The following STARD9 variants were observed in gnomAD, a reference collection of about 807,000 sequenced individuals.
The protein encoded by STARD9 is StAR related lipid transfer domain containing 9.
STARD9 carries 346 observed loss-of-function variants against 399.8 expected under a neutral mutation model. The ratio of observed to expected loss-of-function variants is 0.87; its 90% CI spans 0.79 to 0.95. STARD9 has a LOEUF of 0.95. STARD9 is among the 40% of genes least tolerant of loss of function. The pLI is 0.00. For missense variants in STARD9, 5,832 were observed against 5,667.5 expected (o/e 1.03, Z -0.93); for synonymous variants, 2,203 against 2,143.5 (o/e 1.03, Z -0.77).
At chr15:42,647,218 A>G (rs1026230483) in intron 7 of STARD9, among the ~76,000 whole-genome samples, 7 of 152,168 alleles carry the variant, frequency 4.6e-5, no homozygotes, top group Admixed American at 2.0e-4. Context: ...GTATTATACA[A>G]TTGTTGGGCA....
chr15:42,719,305 G>A (rs776350968), intron 32 of STARD9, among the ~76,000 whole-genome samples, 168 bp from the exon 33 acceptor site: 21 of 152,152 alleles, frequency 1.4e-4, no homozygotes, highest in Middle Eastern at 3.2e-3. Flanking sequence ...GGAGGTGAAC[G>A]CCAATACTTA....
At chr15:42,610,826 C>T (rs866347269) in intron 3 of STARD9, among the ~76,000 whole-genome samples, 5 of 152,186 alleles carry the variant, frequency 3.3e-5, no homozygotes, top group African/African-American at 9.7e-5. Flanking sequence ...GGATTACAGG[C>T]GTGAGCTACC....
rs1170081138 is a variant in STARD9, at chr15:42,689,810, A to G, written c.8232A>G (p.Leu2744=). The change falls in exon 23 of 33, where the codon TTA becomes TTG. Residue 2744 remains leucine (L), a synonymous_variant. Coordinates refer to ENST00000290607, the MANE Select transcript of STARD9 (RefSeq NM_020759.3). The part of the protein sequence containing the change: ...RVVSKKVVAA[L]PSQAPYDDPR... Reference sequence around the variant, plus strand: ...TATCAAAGAAGGTAGTGGCTGCCTTACCTTCTCAGGCCCCTTATGATGATC... The same window carrying G: ...TATCAAAGAAGGTAGTGGCTGCCTTGCCTTCTCAGGCCCCTTATGATGATC... The G allele has an allele frequency of 6.5e-7, 1 of 1,537,246 alleles. No individual in the cohort carries two copies. Among genetic ancestry groups the G allele is most frequent in the Non-Finnish European group, 8.7e-7 (1 of 1,146,900 alleles).
Position 42,686,185 on chromosome 15 carries a change from C to G in STARD9, c.4607C>G (p.Pro1536Arg). The change falls in exon 23 of 33, where the codon CCT (proline) becomes CGT (arginine). Residue 1536 changes from proline to arginine, a missense_variant. Coordinates refer to ENST00000290607, the MANE Select transcript of STARD9 (RefSeq NM_020759.3). ...KGGDTLLPVGPRVSSNLNLNN... is the reference protein window; with the variant it reads ...KGGDTLLPVGRRVSSNLNLNN... The stretch of plus-strand genomic sequence containing the variant: ...GGAGATACTCTATTGCCAGTTGGCC[C>G]TAGGGTATCTAGCAATCTGAATCTC... 3.9e-6 allele frequency: 6 copies of G among 1,537,464 alleles called. No homozygotes were observed. Among genetic ancestry groups the G allele is most frequent in the Non-Finnish European group, 4.4e-6 (5 of 1,146,928 alleles).
chr15:42,593,552 A>C (rs1035928741), intron 3 of STARD9, among the ~76,000 whole-genome samples: 1 of 149,812 alleles, frequency 6.7e-6, no homozygotes, highest in African/African-American at 2.4e-5. Flanking sequence ...TTTCCAGACC[A>C]AAAAAAAAAT....
rs571755992 is a variant in STARD9 at position 42,690,296 on chromosome 15, C to T, written c.8718C>T (p.Ser2906=). The T allele has an allele frequency of 2.2e-5, 34 of 1,537,252 alleles. No homozygotes were observed. The highest frequency in any genetic ancestry group is 2.0e-4 in the East Asian group (8 of 40,922). The part of the protein sequence containing the change: ...RPIPLPDQRP[S]ANPGGIGEEA... ...TTCCACTGCCAGATCAAAGACCAAG[C>T]GCAAATCCTGGGGGAATTGGGGAGG... Residue 2906 remains serine, a synonymous_variant, in exon 23 of 33, where the codon AGC becomes AGT. Transcript: ENST00000290607.
intron 22 of STARD9, among the ~76,000 whole-genome samples, chr15:42,683,432 G>T (rs981984013): frequency 3.3e-5 from 5 of 152,012 alleles, no homozygotes; most frequent in African/African-American, 9.7e-5. Flanking sequence ...TGTCACTTTA[G>T]TTCTACATTT....
At chr15:42,697,519 C>A (rs543548830) in intron 26 of STARD9, among the ~76,000 whole-genome samples, 26 of 152,158 alleles carry the variant, frequency 1.7e-4, no homozygotes, top group Non-Finnish European at 3.5e-4. Flanking sequence ...TATACACATA[C>A]AGGTTGAGCA....
At chr15:42,648,280 A>C (rs2059685890) in intron 7 of STARD9, among the ~76,000 whole-genome samples, 1 of 152,122 alleles carries the variant, frequency 6.6e-6, no homozygotes, top group African/African-American at 2.4e-5. Context: ...CTCCTGCCTC[A>C]GCTTCCCGAG....
rs61736182 is a variant in STARD9 at position 42,691,869 on chromosome 15, G to C, written c.10291G>C (p.Glu3431Gln). ...GACCAGCTGGATGTCTGGTACTTTG[G>C]AACAAGCCCAACAGGGAAAGCGAGA... is the stretch of plus-strand genomic sequence containing the variant. ...FTTSWMSGTL[E>Q]QAQQGKREKL... Residue 3431 changes from glutamate to glutamine, a missense_variant, in exon 23 of 33, where the codon GAA becomes CAA. This residue lies in a region of STARD9 where 5,828 missense variants were observed against 5,651.1 expected (regional missense o/e 1.03). Transcript: ENST00000290607. The C allele has an allele frequency of 7.7e-5, 118 of 1,537,142 alleles. No homozygotes were observed. In the African/African-American group the frequency reaches 1.6e-3, roughly 21 times the overall value.
rs1388600530 is a variant in STARD9, at chr15:42,675,791, T to G, written c.1770+45T>G. 12 of 1,534,470 alleles carry G rather than the reference T, an allele frequency of 7.8e-6. No homozygotes were observed. In the Admixed American group the frequency reaches 1.4e-4, roughly 18 times the overall value. ...CTAGGTTATTGCTGGCCTCCCTGTTTCCACCTTTTAGATGAAAAGCCAAGC... is the reference window on the plus strand; with the variant it reads ...CTAGGTTATTGCTGGCCTCCCTGTTGCCACCTTTTAGATGAAAAGCCAAGC... On this transcript the variant is annotated intron_variant, in intron 19 of 32. Transcript: ENST00000290607.
At position 42,683,327 on chromosome 15, in the gene STARD9, C is replaced by G. The variant is rs570590826; in HGVS notation, c.2537+752C>G. ...CATATGCCAAGTTGGAAGAATAGTACATGTATCACTGATATTATTCAGCAA... is the reference window on the plus strand; with the variant it reads ...CATATGCCAAGTTGGAAGAATAGTAGATGTATCACTGATATTATTCAGCAA... On this transcript the variant is annotated intron_variant, in intron 22 of 32. Coordinates refer to ENST00000290607, the MANE Select transcript of STARD9 (RefSeq NM_020759.3). Among the ~76,000 whole-genome samples the G allele has an allele frequency of 1.1e-3, 165 of 152,300 alleles. 1 individual carries two copies. Among genetic ancestry groups the G allele is most frequent in the African/African-American group, 3.8e-3 (159 of 41,560 alleles).
intron 3 of STARD9, among the ~76,000 whole-genome samples, chr15:42,592,089 T>A (rs1253827819): frequency 6.6e-6 from 1 of 152,162 alleles, no homozygotes; most frequent in Non-Finnish European, 1.5e-5. Context: ...TGATCATCTC[T>A]TTATGTATAT....
At chr15:42,650,518 T>A (rs1318218766) in intron 7 of STARD9, among the ~76,000 whole-genome samples, 1 of 152,218 alleles carries the variant, frequency 6.6e-6, no homozygotes, top group Non-Finnish European at 1.5e-5. Flanking sequence ...CTCCTCATCA[T>A]GTATCATCTT....
At chr15:42,624,050 T>C (rs1204926980) in intron 3 of STARD9, among the ~76,000 whole-genome samples, 1 of 152,192 alleles carries the variant, frequency 6.6e-6, no homozygotes. Context: ...CAGCCCAGAA[T>C]TTACCTGACA....
intron 3 of STARD9, among the ~76,000 whole-genome samples, chr15:42,617,298 T>G (rs1016063204): frequency 1.3e-5 from 2 of 152,212 alleles, no homozygotes; most frequent in African/African-American, 4.8e-5. Flanking sequence ...CCAGTCAAAT[T>G]AATGTTTGAC....
chr15:42,649,399 A>G (rs1201223326), intron 7 of STARD9, among the ~76,000 whole-genome samples: 1 of 151,736 alleles, frequency 6.6e-6, no homozygotes, highest in Non-Finnish European at 1.5e-5. Context: ...CTTCCTGCTC[A>G]CTCATTCTTT....
intron 15 of STARD9, among the ~76,000 whole-genome samples, chr15:42,666,958 A>T (rs936071849): frequency 2.7e-5 from 4 of 147,678 alleles, no homozygotes; most frequent in Admixed American, 6.8e-5. Flanking sequence ...GGGACTACAG[A>T]TGTGCACCAC....
Position 42,651,063 on chromosome 15 carries a change from T to C in STARD9, c.607T>C (p.Leu203=). The change falls in exon 8 of 33, where the codon TTG becomes CTG. Residue 203 remains leucine (L), a synonymous_variant. Coordinates refer to ENST00000290607, the MANE Select transcript of STARD9 (RefSeq NM_020759.3). ...CAATTATAAGCAAGTAATCCAACTC[T>C]TGGAGGAGGGAATTGCAAACAGGTA... ...VTNYKQVIQL[L]EEGIANRITA... The C allele has an allele frequency of 2.6e-6, 4 of 1,535,096 alleles. No homozygotes were observed. Among genetic ancestry groups the C allele is most frequent in the South Asian group, 1.2e-5 (1 of 83,914 alleles).
Sources: gnomAD v4.1 joint callset for allele counts (sites outside exome capture counted in the v4.1 genomes callset) on GRCh38, gnomAD v4.1.1 for gene constraint, gnomAD v4.1.1 regional missense constraint, MANE v1.5 for transcripts, NCBI Gene and HGNC (gene_info 2026-07-23, HGNC 2026-07-21) for gene names.